BANF2: variants seen among roughly 807,000 people sequenced by gnomAD.
BANF2 encodes BANF family member 2.
BANF2 carries 4 observed loss-of-function variants against 8.0 expected under a neutral mutation model. The observed-to-expected ratio is 0.50, with a 90% CI of 0.25 to 1.14. The LOEUF (loss-of-function observed/expected upper bound fraction) is 1.14. Ranked by LOEUF, BANF2 falls within the 50% of genes most tolerant of loss-of-function variation. The pLI, the probability that BANF2 is intolerant of heterozygous loss-of-function variation, is 0.16. For missense variants in BANF2, 96 were observed against 107.5 expected (o/e 0.89, Z 0.47); for synonymous variants, 50 against 40.6 (o/e 1.23, Z -0.88).
chr20:17,714,935 G>C (rs1276512221), intron 1 of BANF2, among the ~76,000 whole-genome samples: 1 of 152,184 alleles, frequency 6.6e-6, no homozygotes, highest in African/African-American at 2.4e-5. Flanking sequence ...TATGAAAATG[G>C]TAGCTTAGGG....
intron 2 of BANF2, among the ~76,000 whole-genome samples, chr20:17,723,448 C>T (rs142014291): frequency 7.2e-4 from 109 of 152,286 alleles, no homozygotes; most frequent in African/African-American, 2.3e-3. Context: ...AGAGAGCTGC[C>T]GGGAAATCAA....
intron 2 of BANF2, 59 bp from the exon 3 acceptor site, chr20:17,724,964 T>C (rs2037782509): frequency 6.5e-7 from 1 of 1,530,016 alleles, no homozygotes; most frequent in Admixed American, 1.7e-5. Context: ...CCAGTGTCCA[T>C]GCACACTGGG....
intron 3 of BANF2, among the ~76,000 whole-genome samples, chr20:17,728,637 A>G (rs1182798867): frequency 2.0e-5 from 3 of 151,992 alleles, no homozygotes; most frequent in Non-Finnish European, 4.4e-5. Context: ...GGCTTTTGGC[A>G]TGCACTGGTC....
chr20:17,734,836 C>T (rs2037953468), intron 3 of BANF2, among the ~76,000 whole-genome samples: 1 of 152,208 alleles, frequency 6.6e-6, no homozygotes, highest in Non-Finnish European at 1.5e-5. Context: ...CCTGTAATCC[C>T]AGCACTTTGG....
chr20:17,694,599 C>CT lies in BANF2; in HGVS notation c.18+894dup, dbSNP rs1256251082. Among the ~76,000 whole-genome samples, 104 of 82,764 alleles carry CT rather than the reference C, an allele frequency of 1.3e-3. 2 individuals carry two copies. Among genetic ancestry groups the CT allele is most frequent in the African/African-American group, 3.6e-3 (74 of 20,362 alleles). 54.3% of individuals were successfully genotyped at this position (82,764 alleles called of 152,430 possible). A position where few individuals can be genotyped will look rare whatever the true frequency, so the allele number is the denominator to read the frequency against. On this transcript the variant is annotated intron_variant, in intron 1 of 2. Coordinates refer to the BANF2 transcript ENST00000545418. ...AGGGGGCTATTTTTGTTTTTTCTCT[C>CT]TCTTTTTTTTTTTTTTTTTTTTTTT... is the stretch of plus-strand genomic sequence containing the variant.
At chr20:17,725,318 G>A (rs2037792192) in intron 3 of BANF2, among the ~76,000 whole-genome samples, 167 bp downstream of exon 3, 2 of 152,252 alleles carry the variant, frequency 1.3e-5, no homozygotes, top group South Asian at 4.1e-4. Context: ...CACATGCTCA[G>A]GCAGCCTCAA....
At chr20:17,728,233 G>T (rs2122642879) in intron 3 of BANF2, among the ~76,000 whole-genome samples, 2 of 152,290 alleles carry the variant, frequency 1.3e-5, no homozygotes, top group Admixed American at 1.3e-4. Context: ...GCCCTTGCTT[G>T]TGACGGCGTT....
intron 1 of BANF2, among the ~76,000 whole-genome samples, chr20:17,703,894 C>G (rs1031268885): frequency 1.3e-5 from 2 of 152,104 alleles, no homozygotes; most frequent in Admixed American, 6.6e-5. Context: ...ATTGCAGGTG[C>G]CTGCCACAAT....
chr20:17,722,085 C>T (rs1237843211), intron 1 of BANF2, among the ~76,000 whole-genome samples: 2 of 152,190 alleles, frequency 1.3e-5, no homozygotes, highest in Admixed American at 1.3e-4. Flanking sequence ...CAGTTGAGCA[C>T]CACTGTTGCA....
chr20:17,722,469 ATCAATCCCAATTC>A (rs1373233907), intron 1 of BANF2, among the ~76,000 whole-genome samples: 7 of 152,172 alleles, frequency 4.6e-5, no homozygotes, highest in African/African-American at 1.4e-4. Flanking sequence ...CACCCAATTC[ATCAATCCCAATTC>A]TCAATCCCAA....
At chr20:17,702,213 A>C (rs572604284) in intron 1 of BANF2, among the ~76,000 whole-genome samples, 1 of 152,250 alleles carries the variant, frequency 6.6e-6, no homozygotes, top group East Asian at 1.9e-4. Flanking sequence ...CCTTTCCCTA[A>C]GGCAAACTGC....
chr20:17,722,653 T>A, intron 1 of BANF2, 63 bp from the exon 2 acceptor site: 1 of 878,040 alleles, frequency 1.1e-6, no homozygotes, highest in Non-Finnish European at 1.4e-6. Flanking sequence ...CATCTGTGGA[T>A]TTAAGACCCA....
At chr20:17,724,919 G>A in intron 2 of BANF2, 104 bp from the exon 3 acceptor site, 1 of 1,216,126 alleles carries the variant, frequency 8.2e-7, no homozygotes, top group Non-Finnish European at 1.1e-6. Context: ...TCTGCCATCT[G>A]TTGCCCCAGT....
intron 3 of BANF2, among the ~76,000 whole-genome samples, chr20:17,726,085 C>T (rs1412862875): frequency 6.6e-6 from 1 of 152,196 alleles, no homozygotes; most frequent in South Asian, 2.1e-4. Context: ...AATGGAAGTG[C>T]CCCTATTGGG....
At chr20:17,703,291 C>G (rs1207761146) in intron 1 of BANF2, among the ~76,000 whole-genome samples, 3 of 152,210 alleles carry the variant, frequency 2.0e-5, no homozygotes, top group Non-Finnish European at 4.4e-5. Flanking sequence ...TGCCCTATCC[C>G]TGGATAAAAA....
chr20:17,696,777 A>G (rs2037349281), upstream of BANF2, among the ~76,000 whole-genome samples: 1 of 152,126 alleles, frequency 6.6e-6, no homozygotes, highest in African/African-American at 2.4e-5. Context: ...TAAAGAAATG[A>G]TTTGTGTGAA....
chr20:17,694,624 TTTTTTTTTTATTGAGACAGGGTCTTGC>T (rs2037330362), intron 1 of BANF2, among the ~76,000 whole-genome samples: 1 of 121,080 alleles, frequency 8.3e-6, no homozygotes, highest in African/African-American at 3.0e-5. Context: ...TTTTTTTTTT[TTTTTTTTTTATTGAGACAGGGTCTTGC>T]TTTGTTGCCC....
At position 17,706,159 on chromosome 20, in the gene BANF2, C is replaced by T. The variant is rs188072152; in HGVS notation, c.-167+6104C>T. On this transcript the variant is annotated intron_variant, in intron 1 of 3. Transcript: ENST00000246090. ...TCCGGAGAGTCAGCACAGACAGACA[C>T]CAAGTGTGCCAGGCTGAAGGGTGAA... Among the ~76,000 whole-genome samples the T allele has an allele frequency of 3.9e-5, 6 of 152,342 alleles. No individual in the cohort carries two copies. In the South Asian group the frequency reaches 1.0e-3, roughly 26 times the overall value.
upstream of BANF2, among the ~76,000 whole-genome samples, chr20:17,697,513 T>C (rs978259552): frequency 2.0e-5 from 3 of 152,222 alleles, no homozygotes; most frequent in Admixed American, 1.3e-4. Flanking sequence ...AGCCAATTTA[T>C]ATAGTTTCTC....
Sources: allele counts gnomAD v4.1 joint callset (sites outside exome capture counted in the v4.1 genomes callset), GRCh38; gene constraint gnomAD v4.1.1; transcripts MANE v1.5; gene names NCBI Gene and HGNC (gene_info 2026-07-23, HGNC 2026-07-21).